The following CETP variants were observed in gnomAD, a reference collection of about 807,000 sequenced individuals.
CETP encodes the protein cholesteryl ester transfer protein.
In CETP, 56 loss-of-function variants were observed where a neutral mutation model predicts 66.5. The ratio of observed to expected loss-of-function variants is 0.84; its 90% CI spans 0.68 to 1.05. CETP has a LOEUF of 1.05. Ranked by LOEUF, CETP falls within the 50% of genes least tolerant of loss-of-function variation. The pLI, the probability that CETP is intolerant of heterozygous loss-of-function variation, is 0.00. For synonymous variants in CETP, 251 were observed against 245.7 expected (o/e 1.02, Z -0.20); for missense variants, 612 against 609.6 (o/e 1.00, Z -0.04).
intron 10 of CETP, among the ~76,000 whole-genome samples, chr16:56,975,593 G>T (rs140095296): frequency 6.6e-6 from 1 of 152,260 alleles, no homozygotes; most frequent in East Asian, 1.9e-4. Flanking sequence ...CTTGGAGGTC[G>T]CAGCCCCTTC....
At chr16:56,983,057 T>A (rs1394031912) in intron 14 of CETP, among the ~76,000 whole-genome samples, 2 of 152,216 alleles carry the variant, frequency 1.3e-5, no homozygotes, top group Admixed American at 1.3e-4. Context: ...CTGCAGGTCA[T>A]GTGGCCATTG....
chr16:56,978,059 T>C lies in CETP; in HGVS notation c.982-32T>C, dbSNP rs377715462. ...GACTGCTGCTGCCCTGATGGGCCCC[T>C]GTCCTGGCCATGGGACCCCTGTCTT... On this transcript the variant is annotated intron_variant, in intron 10 of 15. Transcript: ENST00000200676. The C allele has an allele frequency of 9.9e-6, 16 of 1,611,828 alleles. No individual in the cohort carries two copies. The African/African-American group carries it at 2.0e-4, about 20-fold the overall frequency.
intron 5 of CETP, among the ~76,000 whole-genome samples, 153 bp from the exon 6 acceptor site, chr16:56,970,880 T>C (rs1012131056): frequency 3.9e-5 from 6 of 152,206 alleles, no homozygotes; most frequent in African/African-American, 1.2e-4. Flanking sequence ...TGAGGCTCCG[T>C]GTTCTCAGCT....
chr16:56,983,378 C>T lies in CETP; in HGVS notation c.1374C>T (p.Phe458=), dbSNP rs544041690. 6.8e-6 allele frequency: 11 copies of T among 1,614,224 alleles called. No individual in the cohort carries two copies. Among genetic ancestry groups the T allele is most frequent in the South Asian group, 2.2e-5 (2 of 91,086 alleles). Residue 458 remains phenylalanine, a synonymous_variant, in exon 15 of 16, where the codon TTC becomes TTT. Coordinates refer to ENST00000200676, the MANE Select transcript of CETP (RefSeq NM_000078.3). ...ALMNSKGVSL[F]DIINPEIITR... ...TGAACAGCAAAGGCGTGAGCCTCTT[C>T]GACATCATCAACCCTGAGATTATCA...
At position 56,966,300 on chromosome 16, in the gene CETP, G is replaced by A. The variant is rs147829976; in HGVS notation, c.234-3086G>A. The stretch of plus-strand genomic sequence containing the variant: ...CTCCATCTACTTTTATTTAGGGCGA[G>A]GGAAGCTTCCTGCTCTGACTTTCTC... On this transcript the variant is annotated intron_variant, in intron 2 of 15. Coordinates refer to ENST00000200676, the MANE Select transcript of CETP (RefSeq NM_000078.3). 3.8e-4 allele frequency among the ~76,000 whole-genome samples: 58 copies of A among 152,222 alleles called. No individual in the cohort carries two copies. The East Asian group carries it at 9.7e-3, about 25-fold the overall frequency.
chr16:56,973,345 CAAG>C lies in CETP; in HGVS notation c.768_770del (p.Lys256del), dbSNP rs1250318093. 5 of 1,614,112 alleles carry C rather than the reference CAAG, an allele frequency of 3.1e-6. No homozygotes were observed. The Admixed American group carries it at 8.3e-5, about 27-fold the overall frequency. On this transcript the variant is annotated inframe_deletion, in exon 9 of 16. Coordinates refer to ENST00000200676, the MANE Select transcript of CETP (RefSeq NM_000078.3). Reference sequence around the variant, plus strand: ...GCTTCCTCCAGGGTCATTTCATCTACAAGAATGTCTCAGAGGACCTCCCCCTCC... The same window carrying C: ...GCTTCCTCCAGGGTCATTTCATCTACAATGTCTCAGAGGACCTCCCCCTCC...
intron 11 of CETP, among the ~76,000 whole-genome samples, chr16:56,978,936 A>T (rs1429249271): frequency 1.3e-5 from 2 of 152,030 alleles, no homozygotes; most frequent in Non-Finnish European, 2.9e-5. Flanking sequence ...AGCGATTCTC[A>T]TGCCTCAGCC....
intron 2 of CETP, among the ~76,000 whole-genome samples, chr16:56,965,461 G>A (rs544947310): frequency 5.3e-5 from 8 of 152,324 alleles, no homozygotes; most frequent in Middle Eastern, 3.4e-3. Context: ...GGCACAGTGT[G>A]TCATAGTGGC....
intron 1 of CETP, 139 bp downstream of exon 1, chr16:56,962,236 A>G: frequency 1.2e-6 from 1 of 801,222 alleles, no homozygotes; most frequent in South Asian, 1.4e-5. Context: ...TGGGAGGGAG[A>G]TGGGCTGAGT....
intron 2 of CETP, among the ~76,000 whole-genome samples, chr16:56,965,752 T>C (rs1488098726): frequency 2.0e-5 from 3 of 152,014 alleles, no homozygotes; most frequent in Non-Finnish European, 4.4e-5. Context: ...TCAGCAAGGG[T>C]AGAGGGATAT....
intron 14 of CETP, 130 bp downstream of exon 14, chr16:56,982,367 C>A: frequency 1.2e-6 from 1 of 865,942 alleles, no homozygotes; most frequent in Admixed American, 1.9e-5. Context: ...GGTCCTGGCC[C>A]CCTTTCCTCT....
In CETP at chr16:56,970,782, G is replaced by A. The variant is rs941844829; in HGVS notation, c.528-251G>A. 2.6e-5 allele frequency among the ~76,000 whole-genome samples: 4 copies of A among 152,210 alleles called. No individual in the cohort carries two copies. In the East Asian group the frequency reaches 5.8e-4, roughly 22 times the overall value. The stretch of plus-strand genomic sequence containing the variant: ...ATGTATGAATTTGGACTCTAGACAC[G>A]TTCTCGTGTGTGTGACAGGTGTGAG... On this transcript the variant is annotated intron_variant, in intron 5 of 15. Transcript: ENST00000200676.
At chr16:56,971,953 C>G (rs756869455) in intron 7 of CETP, 39 bp from the exon 8 acceptor site, 161 of 1,564,494 alleles carry the variant, frequency 1.0e-4, no homozygotes, top group Non-Finnish European at 1.3e-4. Context: ...GGGCAATTCC[C>G]CCATCCTGAG....
In CETP at chr16:56,975,127, C is replaced by A. The variant is rs757683884; in HGVS notation, c.957C>A (p.Asn319Lys). Reference sequence around the variant, plus strand: ...CAGTGCTGGAGACCTGGGGCTTCAACACCAACCAGGAAATCTTCCAAGAGG... The same window carrying A: ...CAGTGCTGGAGACCTGGGGCTTCAAAACCAACCAGGAAATCTTCCAAGAGG... Reference protein sequence around the residue: ...FKAVLETWGFNTNQEIFQEVV... With the variant: ...FKAVLETWGFKTNQEIFQEVV... The change falls in exon 10 of 16, where the codon AAC (asparagine) becomes AAA (lysine). Residue 319 changes from asparagine (N) to lysine (K), a missense_variant. By Grantham distance (94) the Asn-to-Lys change is moderately conservative. Transcript: ENST00000200676. 1.1e-5 allele frequency: 17 copies of A among 1,613,882 alleles called. No homozygotes were observed. The Admixed American group carries it at 2.3e-4, about 22-fold the overall frequency.
At chr16:56,966,910 G>C (rs535205213) in intron 2 of CETP, among the ~76,000 whole-genome samples, 7 of 151,932 alleles carry the variant, frequency 4.6e-5, no homozygotes, top group African/African-American at 1.7e-4. Context: ...CCACGGCCTG[G>C]CCCAGTCTGA....
intron 5 of CETP, 42 bp from the exon 6 acceptor site, chr16:56,970,991 C>A (rs376863212): frequency 6.9e-6 from 11 of 1,599,282 alleles, no homozygotes; most frequent in Non-Finnish European, 8.6e-6. Context: ...CATGGATGCA[C>A]AGGACTGGTC....
chr16:56,980,125 C>T (rs80180245), intron 11 of CETP, among the ~76,000 whole-genome samples: 2,853 of 152,328 alleles, frequency 0.019, 100 homozygotes, highest in African/African-American at 0.065. Flanking sequence ...TGGTGCATGA[C>T]TGTTAACCAA....
rs544910984 is a variant in CETP, at chr16:56,981,596, A to G, written c.1215-51A>G. The G allele has an allele frequency of 1.1e-5, 17 of 1,596,588 alleles. No individual in the cohort carries two copies. The Admixed American group carries it at 2.2e-4, about 20-fold the overall frequency. ...TAGAGTTTCTTTCCCAGGGGATGTT[A>G]CAGGAGGGGGCCCAATGGAGGGTCA... On this transcript the variant is annotated intron_variant, in intron 12 of 15. Transcript: ENST00000200676.
chr16:56,978,356 T>C, intron 11 of CETP, 101 bp downstream of exon 11: 1 of 1,378,580 alleles, frequency 7.3e-7, no homozygotes, highest in South Asian at 1.2e-5. Flanking sequence ...CAGATCCTTC[T>C]CACCACCTCT....
Sources: allele counts gnomAD v4.1 joint callset (sites outside exome capture counted in the v4.1 genomes callset), GRCh38; gene constraint gnomAD v4.1.1; transcripts MANE v1.5; gene names NCBI Gene and HGNC (gene_info 2026-07-23, HGNC 2026-07-21).